TACR3: variants seen among roughly 807,000 people sequenced by gnomAD.
The protein encoded by TACR3 is neuromedin-K receptor.
Under a neutral mutation model 35.0 loss-of-function variants are expected in TACR3, and 34 were observed. That is an observed-to-expected ratio of 0.97 (90% CI 0.74 to 1.30). The LOEUF (loss-of-function observed/expected upper bound fraction) is 1.30. Ranked by LOEUF, TACR3 falls within the 50% of genes most tolerant of loss-of-function variation. The pLI is 0.00. For missense variants in TACR3, 558 were observed against 591.7 expected (o/e 0.94, Z 0.59); for synonymous variants, 233 against 221.1 (o/e 1.05, Z -0.48).
At chr4:103,599,029 G>T (rs888068551) in intron 3 of TACR3, among the ~76,000 whole-genome samples, 1 of 152,092 alleles carries the variant, frequency 6.6e-6, no homozygotes, top group African/African-American at 2.4e-5. Context: ...CATTGAATCT[G>T]TAAATTACCT....
intron 3 of TACR3, among the ~76,000 whole-genome samples, chr4:103,623,909 CAG>C (rs992647122): frequency 7.2e-5 from 11 of 152,256 alleles, no homozygotes; most frequent in African/African-American, 2.6e-4. Flanking sequence ...GTAAATAAAA[CAG>C]TGACTTCTAG....
At chr4:103,712,483 T>A (rs1044951127) in intron 1 of TACR3, among the ~76,000 whole-genome samples, 4 of 152,272 alleles carry the variant, frequency 2.6e-5, no homozygotes, top group African/African-American at 9.6e-5. Context: ...TCAAGATGGA[T>A]TAAAGACTTA....
chr4:103,656,729 C>T (rs897732963), intron 2 of TACR3, among the ~76,000 whole-genome samples: 5 of 151,974 alleles, frequency 3.3e-5, no homozygotes, highest in Non-Finnish European at 7.4e-5. Flanking sequence ...ATAAATGAAT[C>T]AACCGGCATA....
In TACR3 at chr4:103,586,917, A is replaced by G. The variant is rs1275369194; in HGVS notation, c.*2765T>C. The G allele has an allele frequency of 6.6e-6, 1 of 152,072 alleles. No homozygotes were observed. Among genetic ancestry groups the G allele is most frequent in the African/African-American group, 2.4e-5 (1 of 41,388 alleles). The allele number at this position is 152,072 out of a possible 1,614,324, so 9.4% of individuals were successfully genotyped here. The stretch of plus-strand genomic sequence containing the variant: ...TTTTGTTTAAAAGAGAATACTTACA[A>G]TGATGTAAGCCTTTTTGATTCTTTC... On this transcript the variant is annotated 3_prime_UTR_variant, in exon 5 of 5. Transcript: ENST00000304883.
intron 3 of TACR3, among the ~76,000 whole-genome samples, chr4:103,630,645 CAGTT>C (rs1725036481): frequency 6.6e-6 from 1 of 152,054 alleles, no homozygotes; most frequent in South Asian, 2.1e-4. Flanking sequence ...CATCTCATGG[CAGTT>C]AGAATGGTGA....
intron 1 of TACR3, among the ~76,000 whole-genome samples, chr4:103,709,192 G>T (rs898988818): frequency 1.3e-5 from 2 of 152,130 alleles, no homozygotes; most frequent in Admixed American, 1.3e-4. Context: ...GCAACTCCAA[G>T]ACGCATAATC....
At chr4:103,608,321 C>G (rs1402508296) in intron 3 of TACR3, among the ~76,000 whole-genome samples, 2 of 152,010 alleles carry the variant, frequency 1.3e-5, no homozygotes, top group African/African-American at 2.4e-5. Flanking sequence ...AAACGAGATA[C>G]CACTTGTTCT....
At chr4:103,605,886 T>C (rs535338995) in intron 3 of TACR3, among the ~76,000 whole-genome samples, 1 of 152,340 alleles carries the variant, frequency 6.6e-6, no homozygotes, top group South Asian at 2.1e-4. Flanking sequence ...GTTTTAGACA[T>C]GAAGTCCTTG....
At chr4:103,671,034 T>C (rs1726046754) in intron 1 of TACR3, among the ~76,000 whole-genome samples, 1 of 152,092 alleles carries the variant, frequency 6.6e-6, no homozygotes, top group African/African-American at 2.4e-5. Context: ...CATTGAATTT[T>C]ACCAAATGCT....
intron 3 of TACR3, among the ~76,000 whole-genome samples, chr4:103,607,411 G>C (rs1724404732): frequency 6.6e-6 from 1 of 151,676 alleles, no homozygotes; most frequent in African/African-American, 2.4e-5. Flanking sequence ...TATCTTACCA[G>C]TGTTTAGTGT....
At chr4:103,702,982 C>T (rs1467208799) in intron 1 of TACR3, among the ~76,000 whole-genome samples, 2 of 151,766 alleles carry the variant, frequency 1.3e-5, no homozygotes, top group African/African-American at 4.8e-5. Context: ...AGCACACCAA[C>T]ATGGCACATG....
intron 3 of TACR3, among the ~76,000 whole-genome samples, chr4:103,615,691 A>G (rs1361466931): frequency 6.6e-6 from 1 of 152,184 alleles, no homozygotes; most frequent in Non-Finnish European, 1.5e-5. Context: ...AATTAGAAAA[A>G]TAAAACTTAA....
intron 1 of TACR3, among the ~76,000 whole-genome samples, chr4:103,675,819 A>G (rs537394173): frequency 4.0e-5 from 6 of 151,638 alleles, no homozygotes; most frequent in African/African-American, 1.4e-4. Flanking sequence ...AAGGGACCCT[A>G]TTGGTGCAAT....
chr4:103,619,641 T>C (rs1724734161), intron 3 of TACR3, among the ~76,000 whole-genome samples: 1 of 152,066 alleles, frequency 6.6e-6, no homozygotes, highest in Non-Finnish European at 1.5e-5. Context: ...TTCAATATGA[T>C]GTTGGTTGTG....
chr4:103,709,970 G>A (rs983045011), intron 1 of TACR3, among the ~76,000 whole-genome samples: 7 of 152,108 alleles, frequency 4.6e-5, no homozygotes, highest in Admixed American at 1.3e-4. Flanking sequence ...TATCCTAAAT[G>A]TATATGCACC....
chr4:103,642,208 A>G (rs1453714176), intron 3 of TACR3, among the ~76,000 whole-genome samples: 1 of 151,004 alleles, frequency 6.6e-6, no homozygotes, highest in Non-Finnish European at 1.5e-5. Flanking sequence ...ATGGATATAC[A>G]TATTTATATA....
intron 1 of TACR3, among the ~76,000 whole-genome samples, chr4:103,673,579 A>C (rs1726097563): frequency 6.6e-6 from 1 of 152,168 alleles, no homozygotes; most frequent in African/African-American, 2.4e-5. Flanking sequence ...ATCTCTGATC[A>C]TAGGTCACCA....
chr4:103,675,694 T>G (rs1282230201), intron 1 of TACR3, among the ~76,000 whole-genome samples: 1 of 152,064 alleles, frequency 6.6e-6, no homozygotes, highest in Non-Finnish European at 1.5e-5. Context: ...TTAGCCAATT[T>G]GCAGCACTCC....
chr4:103,707,556 C>A (rs1722822473), intron 1 of TACR3, among the ~76,000 whole-genome samples: 2 of 152,152 alleles, frequency 1.3e-5, no homozygotes, highest in South Asian at 2.1e-4. Flanking sequence ...CAGCTCCAGT[C>A]TACAGCTCCC....
Sources: allele counts gnomAD v4.1 joint callset (sites outside exome capture counted in the v4.1 genomes callset), GRCh38; gene constraint gnomAD v4.1.1; transcripts MANE v1.5; gene names NCBI Gene and HGNC (gene_info 2026-07-23, HGNC 2026-07-21).